Variants in VPS37A observed in about 807,000 individuals in gnomAD.
VPS37A encodes VPS37A subunit of ESCRT-I.
In VPS37A, 30 loss-of-function variants were observed where a neutral mutation model predicts 49.8. That is an observed-to-expected ratio of 0.60 (90% CI 0.45 to 0.82). The LOEUF (loss-of-function observed/expected upper bound fraction) is 0.82. Ranked by LOEUF, VPS37A falls within the 40% of genes least tolerant of loss-of-function variation. The pLI is 0.00. For synonymous variants in VPS37A, 195 were observed against 160.6 expected (o/e 1.21, Z -1.62); for missense variants, 593 against 464.4 (o/e 1.28, Z -2.55).
chr8:17,328,718 T>G, the VPS37A span, among the ~76,000 whole-genome samples: 1 of 152,106 alleles, frequency 6.6e-6, no homozygotes. Context: ...TTAAAAATTT[T>G]AAATAAAAAA....
chr8:17,327,384 C>G, the VPS37A span, among the ~76,000 whole-genome samples: 1 of 152,212 alleles, frequency 6.6e-6, no homozygotes, highest in African/African-American at 2.4e-5. Flanking sequence ...GATCCTCCCA[C>G]ATCAGCTTCC....
chr8:17,299,721 CT>C (rs1816975147), downstream of VPS37A: 1 of 1,214,302 alleles, frequency 8.2e-7, no homozygotes, highest in Non-Finnish European at 1.1e-6. Flanking sequence ...GAACTGGGCA[CT>C]TTTTTCCCTT....
intron 4 of VPS37A, among the ~76,000 whole-genome samples, chr8:17,273,733 G>A (rs1047871255): frequency 1.3e-5 from 2 of 151,774 alleles, no homozygotes; most frequent in Non-Finnish European, 2.9e-5. Flanking sequence ...TCTTTCTACT[G>A]TGGCTTATTT....
At chr8:17,272,042 G>T (rs1268217702) in intron 4 of VPS37A, 1 of 456,708 alleles carries the variant, frequency 2.2e-6, no homozygotes, top group South Asian at 1.5e-5. Context: ...AATCTCCTTA[G>T]CTAGATCATC....
rs980706601 is a variant in VPS37A at position 17,261,070 on chromosome 8, T to C, written c.126-4837T>C. 9.2e-5 allele frequency among the ~76,000 whole-genome samples: 14 copies of C among 152,218 alleles called. No individual in the cohort carries two copies. The East Asian group carries it at 2.5e-3, about 27-fold the overall frequency. Reference sequence around the variant, plus strand: ...TTGGAATAAGCTTTCTACCCATTCCTCTGGCTCAACTTCTTTTTGAACACC... The same window carrying C: ...TTGGAATAAGCTTTCTACCCATTCCCCTGGCTCAACTTCTTTTTGAACACC... On this transcript the variant is annotated intron_variant, in intron 1 of 11. Coordinates refer to ENST00000324849, the MANE Select transcript of VPS37A (RefSeq NM_152415.3).
Position 17,268,238 on chromosome 8 carries a change from A to G in VPS37A, c.201-20A>G. 2 of 1,546,768 alleles carry G rather than the reference A, an allele frequency of 1.3e-6. No individual in the cohort carries two copies. The highest frequency in any genetic ancestry group is 1.8e-6 in the Non-Finnish European group (2 of 1,129,068). ...TTTGTTATCTTTGTTTTTGTTTTTC[A>G]TCTGTTCTACCTCTACCAGATTGCT... On this transcript the variant is annotated intron_variant, in intron 2 of 11. Transcript: ENST00000324849.
At chr8:17,280,352 A>T in intron 8 of VPS37A, 23 bp from the exon 9 acceptor site, 1 of 1,602,406 alleles carries the variant, frequency 6.2e-7, no homozygotes, top group Non-Finnish European at 8.5e-7. Flanking sequence ...AGAATAAAAC[A>T]ACCTTTTCAT....
chr8:17,277,213 A>AGT, intron 6 of VPS37A, among the ~76,000 whole-genome samples: 1 of 152,084 alleles, frequency 6.6e-6, no homozygotes, highest in East Asian at 1.9e-4. Context: ...TATTTGCACC[A>AGT]GTGTTTTATA....
the VPS37A span, chr8:17,331,095 T>C: frequency 1.3e-6 from 2 of 1,566,050 alleles, no homozygotes; most frequent in Admixed American, 2.0e-5. Flanking sequence ...TTATTCCCTT[T>C]TGGCATCAAA....
intron 1 of VPS37A, chr8:17,247,901 C>G (rs1017505535): frequency 2.2e-5 from 14 of 635,096 alleles, no homozygotes; most frequent in Middle Eastern, 3.9e-4. Flanking sequence ...AAGATTTACC[C>G]TGTTGGAGCA....
downstream of VPS37A, chr8:17,302,420 T>A: frequency 1.2e-6 from 1 of 856,456 alleles, no homozygotes; most frequent in Non-Finnish European, 1.7e-6. Flanking sequence ...AGCCACTACT[T>A]AAGGTAATAA....
At chr8:17,309,472 C>G in the VPS37A span, 2 of 662,384 alleles carry the variant, frequency 3.0e-6, no homozygotes, top group African/African-American at 1.8e-5. Context: ...GCATTATCCA[C>G]CCATATAGAG....
chr8:17,271,567 C>A (rs1398328305), intron 4 of VPS37A, among the ~76,000 whole-genome samples: 1 of 152,068 alleles, frequency 6.6e-6, no homozygotes, highest in African/African-American at 2.4e-5. Flanking sequence ...GATCACGCCA[C>A]TGCATTCCAG....
chr8:17,256,290 ATTT>A (rs529736602), intron 1 of VPS37A, among the ~76,000 whole-genome samples: 5 of 60,386 alleles, frequency 8.3e-5, no homozygotes, highest in African/African-American at 3.6e-4. Context: ...GGGTAAAATG[ATTT>A]TTTTTTTTTT....
intron 1 of VPS37A, among the ~76,000 whole-genome samples, chr8:17,252,874 T>G (rs1047371467): frequency 6.6e-6 from 1 of 152,240 alleles, no homozygotes; most frequent in Non-Finnish European, 1.5e-5. Context: ...CTCCAAAATA[T>G]CAACATTTTG....
chr8:17,330,468 C>G, the VPS37A span, among the ~76,000 whole-genome samples: 2,285 of 152,356 alleles, frequency 0.015, 56 homozygotes, highest in African/African-American at 0.052. Context: ...ACTGTGATCA[C>G]AAGGAGCAGA....
chr8:17,252,500 CTTTATT>C (rs745415851), intron 1 of VPS37A, among the ~76,000 whole-genome samples: 2 of 152,154 alleles, frequency 1.3e-5, no homozygotes, highest in Non-Finnish European at 2.9e-5. Context: ...ATTTAATAGA[CTTTATT>C]TTTAGTGTAG....
rs773196732 is a variant in VPS37A at position 17,268,367 on chromosome 8, A to T, written c.310A>T (p.Asn104Tyr). Residue 104 changes from asparagine to tyrosine, a missense_variant, in exon 3 of 12, where the codon AAC becomes TAC. Transcript: ENST00000324849. Reference protein sequence around the residue: ...QGVYVTSPLVNNFTMHSDLGK... With the variant: ...QGVYVTSPLVYNFTMHSDLGK... ...AGTGTATGTTACCTCTCCATTAGTAAACAATGTATGTATATGGGATAATTT... is the reference window on the plus strand; with the variant it reads ...AGTGTATGTTACCTCTCCATTAGTATACAATGTATGTATATGGGATAATTT... 2 of 1,593,542 alleles carry T rather than the reference A, an allele frequency of 1.3e-6. No homozygotes were observed. The highest frequency in any genetic ancestry group is 2.2e-5 in the South Asian group (2 of 90,536).
the VPS37A span, chr8:17,309,324 T>A: frequency 6.4e-6 from 10 of 1,558,768 alleles, no homozygotes; most frequent in Admixed American, 1.7e-4. Context: ...TTTCAATTAA[T>A]ACCTACACAA....
Sources: allele counts gnomAD v4.1 joint callset (sites outside exome capture counted in the v4.1 genomes callset), GRCh38; gene constraint gnomAD v4.1.1; transcripts MANE v1.5; gene names NCBI Gene and HGNC (gene_info 2026-07-23, HGNC 2026-07-21).